The following PALM2AKAP2 variants were observed in gnomAD, a reference collection of about 807,000 sequenced individuals.
The protein encoded by PALM2AKAP2 is PALM2-AKAP2 fusion protein.
In PALM2AKAP2, 37 loss-of-function variants were observed where a neutral mutation model predicts 71.5. The observed-to-expected ratio is 0.52, with a 90% CI of 0.40 to 0.68. The LOEUF is 0.68. Among genes scored for constraint, PALM2AKAP2 ranks in the 30% least tolerant of loss-of-function variants. The pLI, the probability that PALM2AKAP2 is intolerant of heterozygous loss-of-function variation, is 0.00. For missense variants in PALM2AKAP2, 1,224 were observed against 1,191.8 expected (o/e 1.03, Z -0.40); for synonymous variants, 468 against 478.8 (o/e 0.98, Z 0.29).
At chr9:109,851,885 G>A (rs1299042691) in intron 1 of PALM2AKAP2, among the ~76,000 whole-genome samples, 2 of 152,086 alleles carry the variant, frequency 1.3e-5, no homozygotes, top group African/African-American at 4.8e-5. Context: ...CTCTATTAGT[G>A]GGTAAAAAGC....
chr9:109,935,815 C>A (rs984016019), intron 6 of PALM2AKAP2, among the ~76,000 whole-genome samples: 1 of 152,152 alleles, frequency 6.6e-6, no homozygotes, highest in African/African-American at 2.4e-5. Context: ...GCACTGAGAG[C>A]CTTTATATCC....
chr9:109,691,927 C>CAT (rs202186589), intron 1 of PALM2AKAP2, among the ~76,000 whole-genome samples: 26 of 97,236 alleles, frequency 2.7e-4, no homozygotes, highest in Non-Finnish European at 3.5e-4. Context: ...TATATATACA[C>CAT]ATATATATAT....
chr9:109,876,079 G>A (rs1194658897), intron 2 of PALM2AKAP2, among the ~76,000 whole-genome samples: 3 of 152,188 alleles, frequency 2.0e-5, no homozygotes, highest in African/African-American at 7.2e-5. Context: ...TACTATGTTA[G>A]CTATGATACT....
chr9:109,794,404 ATT>A (rs57551115), intron 1 of PALM2AKAP2, among the ~76,000 whole-genome samples: 17 of 143,742 alleles, frequency 1.2e-4, no homozygotes, highest in African/African-American at 1.0e-4. Flanking sequence ...TTCCAGGTGT[ATT>A]TTTTTTTTTT....
chr9:109,773,838 G>A (rs545993306), intron 1 of PALM2AKAP2, among the ~76,000 whole-genome samples: 1 of 152,376 alleles, frequency 6.6e-6, no homozygotes, highest in Admixed American at 6.5e-5. Context: ...CATTAGTAAT[G>A]AGCAATTTTT....
chr9:110,124,690 A>G (rs1835558224), intron 1 of PALM2AKAP2, among the ~76,000 whole-genome samples: 1 of 152,154 alleles, frequency 6.6e-6, no homozygotes, highest in South Asian at 2.1e-4. Flanking sequence ...TGTTTTCTTG[A>G]TGGCAGAGGA....
intron 1 of PALM2AKAP2, among the ~76,000 whole-genome samples, chr9:110,090,610 C>T (rs1016104273): frequency 2.0e-5 from 3 of 152,138 alleles, no homozygotes; most frequent in Non-Finnish European, 4.4e-5. Context: ...TTCTAAAAAG[C>T]TAATGTTGTG....
chr9:109,705,949 C>T (rs572056766), intron 1 of PALM2AKAP2, among the ~76,000 whole-genome samples: 2 of 152,136 alleles, frequency 1.3e-5, no homozygotes, highest in Non-Finnish European at 2.9e-5. Flanking sequence ...ATCCTTCTGC[C>T]CTGCCCCAAG....
chr9:109,854,037 C>T (rs1329886938), intron 1 of PALM2AKAP2, among the ~76,000 whole-genome samples: 1 of 152,198 alleles, frequency 6.6e-6, no homozygotes, highest in Non-Finnish European at 1.5e-5. Context: ...TGGAGCTGTC[C>T]CTATACCAGC....
chr9:109,682,125 C>T (rs1827744431), intron 1 of PALM2AKAP2, among the ~76,000 whole-genome samples: 2 of 152,146 alleles, frequency 1.3e-5, no homozygotes, highest in Admixed American at 1.3e-4. Context: ...CCAGTCAAGA[C>T]CAATTAAGGA....
intron 2 of PALM2AKAP2, among the ~76,000 whole-genome samples, chr9:110,147,195 G>C (rs1421446016): frequency 6.7e-6 from 1 of 149,032 alleles, no homozygotes; most frequent in African/African-American, 2.5e-5. Context: ...AGGTTGTAGT[G>C]AGCTACAATC....
intron 1 of PALM2AKAP2, among the ~76,000 whole-genome samples, chr9:109,695,022 C>A (rs1328744555): frequency 6.6e-6 from 1 of 152,120 alleles, no homozygotes; most frequent in East Asian, 1.9e-4. Flanking sequence ...ACTCCTTATA[C>A]CACAATAAAT....
At chr9:109,641,806 C>T (rs144890466) in intron 1 of PALM2AKAP2, among the ~76,000 whole-genome samples, 103 of 152,300 alleles carry the variant, frequency 6.8e-4, no homozygotes, top group African/African-American at 2.3e-3. Flanking sequence ...GTCATGTTTT[C>T]AGACATCAGG....
At position 110,083,486 on chromosome 9, in the gene PALM2AKAP2, A is replaced by G. The variant is rs147122148; in HGVS notation, c.156+34631A>G. On this transcript the variant is annotated intron_variant, in intron 1 of 3. Transcript: ENST00000374525. ...CTGAGCCTTTGCACTTCTTTAGATG[A>G]ATCAGTTGGTTCTCAGCCTTCCCCA... Among the ~76,000 whole-genome samples, 84 of 152,310 alleles carry G rather than the reference A, an allele frequency of 5.5e-4. 1 individual carries two copies. The South Asian group carries it at 0.013, about 23-fold the overall frequency.
intron 6 of PALM2AKAP2, 140 bp downstream of exon 6, chr9:109,932,168 G>A: frequency 1.1e-6 from 1 of 942,426 alleles, no homozygotes; most frequent in African/African-American, 1.7e-5. Context: ...AGCCTTCACA[G>A]TGGCCACACA....
Position 109,985,393 on chromosome 9 carries a change from G to A in PALM2AKAP2, c.497-30561G>A, listed in dbSNP as rs562292615. Among the ~76,000 whole-genome samples the A allele has an allele frequency of 2.0e-5, 3 of 151,922 alleles. No homozygotes were observed. The South Asian group carries it at 6.3e-4, about 32-fold the overall frequency. On this transcript the variant is annotated intron_variant, in intron 6 of 9. Transcript: ENST00000302798. ...CCAGCACTTTGGGAGGCCGAGGTGG[G>A]CCGATCGCGAGGTCAGGAGATGGAG...
intron 3 of PALM2AKAP2, among the ~76,000 whole-genome samples, chr9:109,904,032 T>C (rs1830388129): frequency 6.6e-6 from 1 of 152,252 alleles, no homozygotes; most frequent in Admixed American, 6.5e-5. Flanking sequence ...TATGCTTTGG[T>C]TTATCTTATA....
At chr9:109,646,645 C>G (rs948422516) in intron 1 of PALM2AKAP2, among the ~76,000 whole-genome samples, 4 of 152,208 alleles carry the variant, frequency 2.6e-5, no homozygotes, top group African/African-American at 9.6e-5. Flanking sequence ...TGCCTTCATT[C>G]ATTCATCCAG....
At chr9:109,723,706 T>C (rs890016210) in intron 1 of PALM2AKAP2, among the ~76,000 whole-genome samples, 1 of 152,166 alleles carries the variant, frequency 6.6e-6, no homozygotes, top group Non-Finnish European at 1.5e-5. Flanking sequence ...ACTAATTCAG[T>C]ATGGCTGAAG....
Sources: allele counts gnomAD v4.1 joint callset (sites outside exome capture counted in the v4.1 genomes callset), GRCh38; gene constraint gnomAD v4.1.1; transcripts MANE v1.5; gene names NCBI Gene and HGNC (gene_info 2026-07-23, HGNC 2026-07-21).